The following ZNF320 variants were observed in gnomAD, a reference collection of about 807,000 sequenced individuals.
ZNF320 encodes the protein zinc finger gene 320.
ZNF320 carries 2 observed loss-of-function variants against 6.8 expected under a neutral mutation model. The observed-to-expected ratio is 0.29, with a 90% CI of 0.12 to 0.93. The LOEUF is 0.93. Among genes scored for constraint, ZNF320 ranks in the 40% least tolerant of loss-of-function variants. The pLI, the probability that ZNF320 is intolerant of heterozygous loss-of-function variation, is 0.55. For missense variants in ZNF320, 472 were observed against 611.0 expected, an observed-to-expected ratio of 0.77 and a Z score of 2.40; for synonymous variants, 208 against 203.2, an observed-to-expected ratio of 1.02 and a Z score of -0.20.
the ZNF320 span, among the ~76,000 whole-genome samples, chr19:52,903,938 G>A: frequency 2.0e-5 from 3 of 152,180 alleles, no homozygotes; most frequent in East Asian, 5.8e-4. Flanking sequence ...TGCTGTGGGT[G>A]ATCAGGCCAC....
At chr19:52,902,763 G>A in the ZNF320 span, among the ~76,000 whole-genome samples, 1 of 152,076 alleles carries the variant, frequency 6.6e-6, no homozygotes, top group Non-Finnish European at 1.5e-5. Context: ...AATTTTTCAT[G>A]TTTGACCATA....
At chr19:52,864,508 G>T (rs2063510429) in intron 5 of ZNF320, among the ~76,000 whole-genome samples, 1 of 152,094 alleles carries the variant, frequency 6.6e-6, no homozygotes, top group African/African-American at 2.4e-5. Context: ...CTAAAGAAAA[G>T]AAAGTCAGGG....
At chr19:52,903,656 C>A in the ZNF320 span, among the ~76,000 whole-genome samples, 1 of 151,650 alleles carries the variant, frequency 6.6e-6, no homozygotes, top group African/African-American at 2.4e-5. Context: ...TCTTGAAATT[C>A]TTTAACATAT....
chr19:52,880,487 C>G lies in ZNF320; in HGVS notation c.*109G>C. 8.8e-7 allele frequency: 1 copy of G among 1,130,496 alleles called. No homozygotes were observed. The highest frequency in any genetic ancestry group is 1.3e-6 in the Non-Finnish European group (1 of 799,280). 70.0% of individuals were successfully genotyped at this position (1,130,496 alleles called of 1,614,324 possible). A position where few individuals can be genotyped will look rare whatever the true frequency, so the allele number is the denominator to read the frequency against. On this transcript the variant is annotated 3_prime_UTR_variant, in exon 6 of 6. Coordinates refer to ENST00000682928, the MANE Select transcript of ZNF320 (RefSeq NM_001351774.2). ...AAGTGCTGGGATTACAGGTGTGAGA[C>G]ACCACGCCTGGCCCAATCCTCTTAA... is the stretch of plus-strand genomic sequence containing the variant.
At chr19:52,863,279 T>C (rs934062387) in exon 6 of ZNF320, among the ~76,000 whole-genome samples, 6 of 152,224 alleles carry the variant, frequency 3.9e-5, no homozygotes, top group African/African-American at 1.4e-4. Context: ...AAAGCCTCTG[T>C]GTCTTAAACA....
At chr19:52,864,073 C>A in exon 6 of ZNF320, 1 of 494,006 alleles carries the variant, frequency 2.0e-6, no homozygotes, top group Non-Finnish European at 4.0e-6. Flanking sequence ...ACATCACAGC[C>A]CTGTATAAAG....
downstream of ZNF320, among the ~76,000 whole-genome samples, chr19:52,859,718 T>A (rs2063475412): frequency 6.6e-6 from 1 of 152,212 alleles, no homozygotes; most frequent in African/African-American, 2.4e-5. Flanking sequence ...GGAAGGTTAC[T>A]TTATCACTCC....
intron 1 of ZNF320, among the ~76,000 whole-genome samples, chr19:52,895,996 A>T (rs190676721): frequency 6.6e-6 from 1 of 152,338 alleles, no homozygotes; most frequent in East Asian, 1.9e-4. Flanking sequence ...TATATCTAAT[A>T]AAATGTAGGG....
At chr19:52,903,532 C>T in the ZNF320 span, among the ~76,000 whole-genome samples, 1 of 152,116 alleles carries the variant, frequency 6.6e-6, no homozygotes, top group Admixed American at 6.6e-5. Flanking sequence ...ACTAGGGACC[C>T]ATCCAGGCTT....
Position 52,880,473 on chromosome 19 carries a change from T to G in ZNF320, c.*123A>C. The G allele has an allele frequency of 1.0e-6, 1 of 978,944 alleles. No homozygotes were observed. Among genetic ancestry groups the G allele is most frequent in the East Asian group, 2.6e-5 (1 of 38,430 alleles). 60.6% of individuals were successfully genotyped at this position (978,944 alleles called of 1,614,324 possible). A position where few individuals can be genotyped will look rare whatever the true frequency, so the allele number is the denominator to read the frequency against. On this transcript the variant is annotated 3_prime_UTR_variant, in exon 6 of 6. Transcript: ENST00000682928. ...GTCTTGGCCTCTCAAAGTGCTGGGA[T>G]TACAGGTGTGAGACACCACGCCTGG...
In ZNF320 at chr19:52,876,436, T is replaced by G. The variant is rs1463271132; in HGVS notation, c.*4160A>C. 2.0e-5 allele frequency: 3 copies of G among 150,758 alleles called. No homozygotes were observed. Among genetic ancestry groups the G allele is most frequent in the African/African-American group, 7.4e-5 (3 of 40,338 alleles). The allele number at this position is 150,758 out of a possible 1,614,324, so 9.3% of individuals were successfully genotyped here. On this transcript the variant is annotated 3_prime_UTR_variant, in exon 6 of 6. Coordinates refer to ENST00000682928, the MANE Select transcript of ZNF320 (RefSeq NM_001351774.2). ...GAACATTTTGAACACATACCGTAGT[T>G]GCAAAACAATGATGTTACCTCGTAA...
upstream of ZNF320, among the ~76,000 whole-genome samples, chr19:52,899,663 G>A (rs1230713903): frequency 3.3e-5 from 5 of 151,980 alleles, no homozygotes; most frequent in African/African-American, 1.2e-4. Flanking sequence ...GGGTTTCACT[G>A]TGTTAGCCAG....
At chr19:52,899,187 A>G (rs531535372), upstream of ZNF320, among the ~76,000 whole-genome samples, 38 of 152,364 alleles carry the variant, frequency 2.5e-4, no homozygotes, top group African/African-American at 9.1e-4. Context: ...ACAAGAGAGC[A>G]GTAAGCAGCT....
chr19:52,860,263 G>A (rs896382140), downstream of ZNF320, among the ~76,000 whole-genome samples: 3 of 151,920 alleles, frequency 2.0e-5, no homozygotes, highest in East Asian at 1.9e-4. Context: ...TCTACCTGCC[G>A]GTCTGCTGAC....
chr19:52,862,123 A>G, exon 6 of ZNF320: 1 of 383,486 alleles, frequency 2.6e-6, no homozygotes, highest in South Asian at 2.0e-5. Flanking sequence ...GGATTCTCCA[A>G]TGATTTGCAA....
At chr19:52,876,096 G>A (rs542713349), downstream of ZNF320, 1 of 152,236 alleles carries the variant, frequency 6.6e-6, no homozygotes, top group African/African-American at 2.4e-5. Context: ...ATGGACCAGA[G>A]GAACTTGAGG....
downstream of ZNF320, among the ~76,000 whole-genome samples, chr19:52,859,898 C>G (rs936242904): frequency 6.9e-6 from 1 of 145,632 alleles, no homozygotes; most frequent in South Asian, 2.2e-4. Flanking sequence ...AATGCCTCCT[C>G]TTTAAGTTTT....
chr19:52,862,669 G>C (rs1404012935), exon 6 of ZNF320: 1 of 585,526 alleles, frequency 1.7e-6, no homozygotes, highest in Non-Finnish European at 2.9e-6. Context: ...CATTACACTT[G>C]TAAGGTTTCT....
chr19:52,893,245 C>T (rs1457309193), intron 2 of ZNF320: 1 of 152,136 alleles, frequency 6.6e-6, no homozygotes. Flanking sequence ...CCATATAGGC[C>T]CCAGGCACCT....
Sources: allele counts gnomAD v4.1 joint callset (sites outside exome capture counted in the v4.1 genomes callset), GRCh38; gene constraint gnomAD v4.1.1; transcripts MANE v1.5; gene names NCBI Gene and HGNC (gene_info 2026-07-23, HGNC 2026-07-21).